FNBP1: variants seen among roughly 807,000 people sequenced by gnomAD.
FNBP1 encodes the protein formin-binding protein 1.
Under a neutral mutation model 90.6 loss-of-function variants are expected in FNBP1, and 26 were observed. The observed-to-expected ratio is 0.29, with a 90% CI of 0.21 to 0.40. The LOEUF is 0.40. Ranked by LOEUF, FNBP1 falls within the 10% of genes least tolerant of loss-of-function variation. The probability of loss-of-function intolerance (pLI) is 1.00; values close to 1 mark genes in which losing one functional copy is unlikely to be tolerated. For missense variants in FNBP1, 635 were observed against 768.0 expected, an observed-to-expected ratio of 0.83 and a Z score of 2.05; for synonymous variants, 260 against 265.2, an observed-to-expected ratio of 0.98 and a Z score of 0.19.
intron 1 of FNBP1, among the ~76,000 whole-genome samples, chr9:130,030,409 T>TG (rs1197609239): frequency 2.8e-5 from 4 of 145,262 alleles, no homozygotes; most frequent in Non-Finnish European, 6.0e-5. Context: ...CACTCCAGCC[T>TG]GGGTGACAGA....
chr9:129,895,174 G>T, intron 16 of FNBP1: 1 of 769,002 alleles, frequency 1.3e-6, no homozygotes, highest in Non-Finnish European at 1.6e-6. Context: ...CCAGATTTCA[G>T]CTGGTTGTCT....
intron 1 of FNBP1, among the ~76,000 whole-genome samples, chr9:130,035,472 A>C (rs2059224927): frequency 6.6e-6 from 1 of 152,200 alleles, no homozygotes; most frequent in Admixed American, 6.5e-5. Flanking sequence ...CTCCCCAGTA[A>C]AACTGTACTA....
At chr9:130,046,149 G>A (rs556582945), upstream of FNBP1, among the ~76,000 whole-genome samples, 1 of 152,096 alleles carries the variant, frequency 6.6e-6, no homozygotes, top group South Asian at 2.1e-4. Context: ...ACCCCAAAAT[G>A]ATGTCTTTTT....
intron 2 of FNBP1, among the ~76,000 whole-genome samples, chr9:129,981,066 A>AG (rs1564493424): frequency 6.6e-6 from 1 of 150,876 alleles, no homozygotes; most frequent in African/African-American, 2.4e-5. Context: ...AAAAAAAAAA[A>AG]AGAGAAATAG....
intron 7 of FNBP1, 43 bp from the exon 8 acceptor site, chr9:129,927,384 T>C: frequency 6.3e-7 from 1 of 1,588,250 alleles, no homozygotes; most frequent in Non-Finnish European, 8.6e-7. Context: ...GGTCCATTAT[T>C]ATTAAACAAA....
At chr9:130,052,681 C>T in the FNBP1 span, among the ~76,000 whole-genome samples, 1 of 151,984 alleles carries the variant, frequency 6.6e-6, no homozygotes, top group South Asian at 2.1e-4. Context: ...GTGATCCGCC[C>T]GCCTCGGCGT....
chr9:130,036,412 C>A (rs982945494), intron 1 of FNBP1, among the ~76,000 whole-genome samples: 19 of 152,150 alleles, frequency 1.2e-4, no homozygotes, highest in Admixed American at 1.1e-3. Context: ...TTATAAAACT[C>A]TTTTATGTGC....
At chr9:129,982,892 A>G (rs1222134042) in intron 2 of FNBP1, among the ~76,000 whole-genome samples, 1 of 152,092 alleles carries the variant, frequency 6.6e-6, no homozygotes, top group Non-Finnish European at 1.5e-5. Context: ...ACAAACTCCT[A>G]GCCTCAAGCA....
chr9:130,032,190 A>G (rs1436805690), intron 1 of FNBP1, among the ~76,000 whole-genome samples: 1 of 149,922 alleles, frequency 6.7e-6, no homozygotes, highest in African/African-American at 2.5e-5. Flanking sequence ...TTTCCCAGAC[A>G]AGGTCTTGCT....
chr9:130,013,912 A>G, intron 1 of FNBP1: 1 of 441,020 alleles, frequency 2.3e-6, no homozygotes, highest in Non-Finnish European at 4.5e-6. Context: ...CCAGCACCAT[A>G]TTCTTGGACT....
chr9:129,933,236 T>TAC (rs960722935), intron 6 of FNBP1, among the ~76,000 whole-genome samples: 7 of 151,758 alleles, frequency 4.6e-5, no homozygotes, highest in Non-Finnish European at 8.8e-5. Context: ...CGCACACACA[T>TAC]ACACACACAC....
intron 1 of FNBP1, among the ~76,000 whole-genome samples, chr9:130,025,273 C>G (rs1238835358): frequency 6.6e-6 from 1 of 152,110 alleles, no homozygotes; most frequent in Non-Finnish European, 1.5e-5. Flanking sequence ...AAGGAATGTG[C>G]CTGATGATTC....
chr9:130,038,354 G>A (rs1247899358), intron 1 of FNBP1, among the ~76,000 whole-genome samples: 3 of 99,024 alleles, frequency 3.0e-5, no homozygotes, highest in Non-Finnish European at 6.2e-5. Flanking sequence ...GTGAGACTCC[G>A]TCTCAAAAAA....
chr9:129,932,723 AT>A (rs2042945823), intron 6 of FNBP1, among the ~76,000 whole-genome samples: 1 of 151,946 alleles, frequency 6.6e-6, no homozygotes, highest in African/African-American at 2.4e-5. Flanking sequence ...CTTCCTGACC[AT>A]ATGCCTTGGC....
At chr9:129,958,727 T>C (rs1431922162) in intron 4 of FNBP1, among the ~76,000 whole-genome samples, 174 bp from the exon 5 acceptor site, 2 of 151,628 alleles carry the variant, frequency 1.3e-5, no homozygotes, top group Non-Finnish European at 2.9e-5. Context: ...ACATCTGTAA[T>C]CCCAGAACCC....
At chr9:130,051,691 T>C in the FNBP1 span, among the ~76,000 whole-genome samples, 2 of 152,070 alleles carry the variant, frequency 1.3e-5, no homozygotes, top group Non-Finnish European at 2.9e-5. Flanking sequence ...GGCGCACACC[T>C]GTGGTCCCAG....
chr9:130,042,767 C>T lies in FNBP1; in HGVS notation c.24+185G>A, dbSNP rs1378794195. Among the ~76,000 whole-genome samples the T allele has an allele frequency of 6.6e-5, 10 of 151,818 alleles. No homozygotes were observed. Among genetic ancestry groups the T allele is most frequent in the Non-Finnish European group, 2.9e-5 (2 of 67,912 alleles). On this transcript the variant is annotated intron_variant, in intron 1 of 16. Coordinates refer to ENST00000446176, the MANE Select transcript of FNBP1 (RefSeq NM_015033.3). This position sits in a 1 kb window ranked among gnomAD's most constrained non-coding sequence, Gnocchi z 5.5. ...CTCGCCTCCGAAGGACAAGCCGGCCCGCACCTCCTGCTCGGGCCAAGGCGG... is the reference window on the plus strand; with the variant it reads ...CTCGCCTCCGAAGGACAAGCCGGCCTGCACCTCCTGCTCGGGCCAAGGCGG...
At chr9:129,915,565 T>C (rs2040133842) in intron 11 of FNBP1, among the ~76,000 whole-genome samples, 1 of 152,138 alleles carries the variant, frequency 6.6e-6, no homozygotes, top group Non-Finnish European at 1.5e-5. Context: ...GGTTTCACCG[T>C]GTTGCCCGGG....
At chr9:129,895,800 T>A (rs753788716) in intron 16 of FNBP1, 38 bp downstream of exon 16, 2 of 1,006,810 alleles carry the variant, frequency 2.0e-6, no homozygotes, top group East Asian at 5.9e-5. Context: ...TTTTTTTAAG[T>A]TTTTTTTTTT....
Sources: gnomAD v4.1 joint callset for allele counts (sites outside exome capture counted in the v4.1 genomes callset) on GRCh38, gnomAD v4.1.1 for gene constraint, Gnocchi (gnomAD v3.1) non-coding constraint, MANE v1.5 for transcripts, NCBI Gene and HGNC (gene_info 2026-07-23, HGNC 2026-07-21) for gene names.